The following NPTN variants were observed in gnomAD, a reference collection of about 807,000 sequenced individuals.
NPTN encodes the protein neuroplastin.
A neutral mutation model predicts 42.7 loss-of-function variants in NPTN; 5 were observed. That is an observed-to-expected ratio of 0.12 (90% CI 0.06 to 0.25). The LOEUF is 0.25. Ranked by LOEUF, NPTN falls within the 10% of genes least tolerant of loss-of-function variation. NPTN has a pLI of 1.00. For missense variants in NPTN, 307 were observed against 525.4 expected, an observed-to-expected ratio of 0.58 and a Z score of 4.06; for synonymous variants, 180 against 201.9, an observed-to-expected ratio of 0.89 and a Z score of 0.92.
At chr15:73,582,239 AAC>A (rs534180352) in intron 4 of NPTN, among the ~76,000 whole-genome samples, 282 of 152,306 alleles carry the variant, frequency 1.9e-3, no homozygotes, top group Middle Eastern at 6.8e-3. Context: ...TTTCCAAGTA[AAC>A]ACAGAGATTC....
At chr15:73,596,818 A>G (rs1313200435) in intron 2 of NPTN, among the ~76,000 whole-genome samples, 5 of 152,118 alleles carry the variant, frequency 3.3e-5, no homozygotes, top group Non-Finnish European at 7.3e-5. Flanking sequence ...GGAGGCAGAG[A>G]GAACGGCAAA....
intron 1 of NPTN, among the ~76,000 whole-genome samples, chr15:73,618,581 A>G (rs1193959818): frequency 6.6e-6 from 1 of 152,368 alleles, no homozygotes; most frequent in African/African-American, 2.4e-5. Context: ...AAATAACTTT[A>G]TAAGAAATTA....
At chr15:73,630,399 G>C (rs1159620973) in intron 1 of NPTN, among the ~76,000 whole-genome samples, 1 of 152,190 alleles carries the variant, frequency 6.6e-6, no homozygotes, top group Non-Finnish European at 1.5e-5. Context: ...TTTAGAACAA[G>C]TTCCTCTTTA....
intron 1 of NPTN, among the ~76,000 whole-genome samples, chr15:73,630,830 T>C (rs577067963): frequency 6.6e-6 from 1 of 152,382 alleles, no homozygotes; most frequent in East Asian, 1.9e-4. Context: ...GGCTATTTAT[T>C]ACCAGCTGAA....
chr15:73,578,642 C>G (rs1895821892), intron 4 of NPTN, among the ~76,000 whole-genome samples: 1 of 152,096 alleles, frequency 6.6e-6, no homozygotes, highest in Admixed American at 6.5e-5. Flanking sequence ...GTGGTAAAAA[C>G]CAGAAGGTCA....
In NPTN at chr15:73,598,333, A is replaced by C. The variant is rs186498052; in HGVS notation, c.92-964T>G. On this transcript the variant is annotated intron_variant, in intron 1 of 8. Transcript: ENST00000345330. The stretch of plus-strand genomic sequence containing the variant: ...GAAATGTACCCTGATGAATTAAACT[A>C]AACACTAGGGTGAAAGCCAGGCCTC... Among the ~76,000 whole-genome samples the C allele has an allele frequency of 1.5e-4, 23 of 152,296 alleles. No individual in the cohort carries two copies. In the East Asian group the frequency reaches 4.1e-3, roughly 27 times the overall value.
At chr15:73,580,516 AAT>A (rs202086049) in intron 4 of NPTN, among the ~76,000 whole-genome samples, 2,535 of 133,594 alleles carry the variant, frequency 0.019, 193 homozygotes, top group African/African-American at 0.073. Flanking sequence ...TATTATATAT[AAT>A]ATAGTTATAT....
At chr15:73,567,541 T>C in intron 6 of NPTN, 1 of 985,412 alleles carries the variant, frequency 1.0e-6, no homozygotes, top group South Asian at 4.7e-5. Flanking sequence ...TTGTCCTTCC[T>C]ATGGAGTGCA....
chr15:73,603,627 GAAT>G (rs996605511), intron 1 of NPTN, among the ~76,000 whole-genome samples: 5 of 152,044 alleles, frequency 3.3e-5, no homozygotes, highest in African/African-American at 4.8e-5. Context: ...GAAAGTCCAA[GAAT>G]AATAAGAATA....
At chr15:73,593,591 G>A (rs976831343) in intron 2 of NPTN, among the ~76,000 whole-genome samples, 3 of 152,160 alleles carry the variant, frequency 2.0e-5, no homozygotes, top group African/African-American at 7.2e-5. Context: ...GTTCAGGGAG[G>A]GGGAAAGCAT....
chr15:73,604,311 C>T (rs1003137141), intron 1 of NPTN, among the ~76,000 whole-genome samples: 1 of 152,032 alleles, frequency 6.6e-6, no homozygotes, highest in African/African-American at 2.4e-5. Context: ...AAAAAATTAG[C>T]CAGGTGTGGT....
chr15:73,626,862 A>G (rs989354246), intron 1 of NPTN, among the ~76,000 whole-genome samples: 2 of 152,174 alleles, frequency 1.3e-5, no homozygotes, highest in Admixed American at 1.3e-4. Flanking sequence ...CATCTCATTT[A>G]TATTTCACTG....
intron 1 of NPTN, among the ~76,000 whole-genome samples, chr15:73,604,985 C>T (rs1311879258): frequency 6.6e-6 from 1 of 151,714 alleles, no homozygotes; most frequent in Non-Finnish European, 1.5e-5. Context: ...CTAGTCCCAG[C>T]TACTTGGAAG....
At chr15:73,591,267 G>A (rs376327407) in intron 3 of NPTN, among the ~76,000 whole-genome samples, 1 of 152,176 alleles carries the variant, frequency 6.6e-6, no homozygotes, top group Non-Finnish European at 1.5e-5. Context: ...TCTTTGCACT[G>A]CATTAACCTT....
chr15:73,601,268 T>C (rs147064290), intron 1 of NPTN, among the ~76,000 whole-genome samples: 184 of 151,948 alleles, frequency 1.2e-3, no homozygotes, highest in African/African-American at 4.4e-3. Flanking sequence ...AATTCCTTGA[T>C]AGCTGAACAC....
chr15:73,602,392 C>T (rs866967703), intron 1 of NPTN, among the ~76,000 whole-genome samples: 30 of 152,164 alleles, frequency 2.0e-4, no homozygotes, highest in African/African-American at 6.5e-4. Flanking sequence ...ATCATAAGAG[C>T]GTTTCTCTCC....
In NPTN at chr15:73,580,539, T is replaced by TTGTTATATATGTATATATGTATATACA. The variant is rs1895978058; in HGVS notation, c.707-6771_707-6745dup. 4.3e-5 allele frequency among the ~76,000 whole-genome samples: 6 copies of TTGTTATATATGTATATATGTATATACA among 140,618 alleles called. No homozygotes were observed. The South Asian group carries it at 8.6e-4, about 20-fold the overall frequency. 92.3% of individuals were successfully genotyped at this position (140,618 alleles called of 152,430 possible). ...ATAATATAGTTATATATGTATATATTTGTTATATATGTATATATGTATATA... is the reference window on the plus strand; with the variant it reads ...ATAATATAGTTATATATGTATATATTTGTTATATATGTATATATGTATATACATGTTATATATGTATATATGTATATA... On this transcript the variant is annotated intron_variant, in intron 4 of 8. Transcript: ENST00000345330.
chr15:73,590,697 G>A (rs1057423197), intron 3 of NPTN, among the ~76,000 whole-genome samples: 6 of 151,952 alleles, frequency 3.9e-5, no homozygotes, highest in African/African-American at 1.5e-4. Flanking sequence ...GGGAGGCAGA[G>A]GCTGCAGTGA....
chr15:73,593,897 T>C (rs1328256971), intron 2 of NPTN, among the ~76,000 whole-genome samples: 2 of 152,148 alleles, frequency 1.3e-5, no homozygotes, highest in Non-Finnish European at 2.9e-5. Flanking sequence ...AGCGCAGTGG[T>C]GTCCCATGGT....
Sources: allele counts gnomAD v4.1 joint callset (sites outside exome capture counted in the v4.1 genomes callset), GRCh38; gene constraint gnomAD v4.1.1; transcripts MANE v1.5; gene names NCBI Gene and HGNC (gene_info 2026-07-23, HGNC 2026-07-21).